Variants in SLC9C2 observed in about 807,000 individuals in gnomAD.
The protein encoded by SLC9C2 is sodium/hydrogen exchanger 11.
SLC9C2 carries 75 observed loss-of-function variants against 140.2 expected under a neutral mutation model. That is an observed-to-expected ratio of 0.53 (90% CI 0.44 to 0.65). The LOEUF (loss-of-function observed/expected upper bound fraction) is 0.65, where lower values mean the gene tolerates loss of function less well. Among genes scored for constraint, SLC9C2 ranks in the 30% least tolerant of loss-of-function variants. The probability of loss-of-function intolerance (pLI) is 0.00; values close to 1 mark genes in which losing one functional copy is unlikely to be tolerated. For missense variants in SLC9C2, 1,074 were observed against 1,331.8 expected, an observed-to-expected ratio of 0.81 and a Z score of 3.01; for synonymous variants, 375 against 420.9, an observed-to-expected ratio of 0.89 and a Z score of 1.34.
At position 173,521,338 on chromosome 1, in the gene SLC9C2, G is replaced by A. The variant is rs1660795756; in HGVS notation, c.2702C>T (p.Pro901Leu). The change falls in exon 22 of 28, where the codon CCA (proline) becomes CTA (leucine). Residue 901 changes from proline to leucine, a missense_variant. Physicochemically the swap from Pro to Leu is moderately conservative, Grantham distance 98. Coordinates refer to ENST00000367714, the MANE Select transcript of SLC9C2 (RefSeq NM_178527.4). ...TGAAATAATTAAGTAGATTCCTTGT[G>A]GCATTTCACCTCCTTTACAAATGGT... ...GDTICKGGEM[P>L]QGIYLIISGM... is the part of the protein sequence containing the mutation. 1.3e-6 allele frequency: 2 copies of A among 1,551,102 alleles called. No individual in the cohort carries two copies. Among genetic ancestry groups the A allele is most frequent in the East Asian group, 4.9e-5 (2 of 40,696 alleles).
rs1267292052 is a variant in SLC9C2, at chr1:173,534,792, TATAAA to T, written c.1776-115_1776-111del. 21 of 879,442 alleles carry T rather than the reference TATAAA, an allele frequency of 2.4e-5. 1 individual carries two copies. Among genetic ancestry groups the T allele is most frequent in the Non-Finnish European group, 2.8e-5 (18 of 644,250 alleles). The allele number at this position is 879,442 out of a possible 1,614,324, so 54.5% of individuals were successfully genotyped here. On this transcript the variant is annotated intron_variant, in intron 15 of 27. Coordinates refer to ENST00000367714, the MANE Select transcript of SLC9C2 (RefSeq NM_178527.4). The stretch of plus-strand genomic sequence containing the variant: ...AAATTAATTTGAAGACTATACATAA[TATAAA>T]ATAATAGTAAGCAAAAATCAAAAGC...
At chr1:173,508,167 TA>T (rs541864292) in intron 24 of SLC9C2, among the ~76,000 whole-genome samples, 19 of 150,540 alleles carry the variant, frequency 1.3e-4, no homozygotes, top group African/African-American at 4.9e-5. Flanking sequence ...CCAGAAAATC[TA>T]AAAAAAAATC....
chr1:173,507,931 A>G (rs1378167375), intron 24 of SLC9C2, among the ~76,000 whole-genome samples: 1 of 152,108 alleles, frequency 6.6e-6, no homozygotes, highest in Non-Finnish European at 1.5e-5. Context: ...AAACTAACCC[A>G]GGAATTTAGA....
intron 9 of SLC9C2, among the ~76,000 whole-genome samples, chr1:173,567,276 T>C (rs1192984447): frequency 1.3e-5 from 2 of 152,118 alleles, no homozygotes; most frequent in Non-Finnish European, 2.9e-5. Context: ...TGTTGAAGTC[T>C]GTTATTATTG....
intron 17 of SLC9C2, among the ~76,000 whole-genome samples, chr1:173,532,191 G>A (rs1454243569): frequency 6.6e-6 from 1 of 152,194 alleles, no homozygotes; most frequent in Non-Finnish European, 1.5e-5. Context: ...ATGTTGTGGA[G>A]AATGGGAAGT....
chr1:173,551,427 T>C (rs181564138), intron 11 of SLC9C2, among the ~76,000 whole-genome samples: 29 of 152,338 alleles, frequency 1.9e-4, no homozygotes, highest in Admixed American at 2.6e-4. Context: ...CTTTACCTTA[T>C]TGTGCTTTGC....
chr1:173,524,229 T>A (rs1449661866), intron 20 of SLC9C2, 135 bp from the exon 21 acceptor site: 1 of 818,784 alleles, frequency 1.2e-6, no homozygotes, highest in Admixed American at 3.3e-5. Flanking sequence ...GCTTGTCTCA[T>A]CCTATCTAAA....
intron 9 of SLC9C2, among the ~76,000 whole-genome samples, chr1:173,559,882 C>T (rs191130708): frequency 6.6e-6 from 1 of 152,308 alleles, no homozygotes; most frequent in African/African-American, 2.4e-5. Context: ...GCAGTCTCCT[C>T]ACCCTAATCT....
chr1:173,550,800 T>C (rs2102069505), intron 11 of SLC9C2, among the ~76,000 whole-genome samples: 1 of 149,706 alleles, frequency 6.7e-6, no homozygotes, highest in African/African-American at 2.5e-5. Context: ...GGTAAGCACC[T>C]GTAGTCCCAG....
In SLC9C2 at chr1:173,536,963, C is replaced by A; in HGVS notation, c.1634G>T (p.Cys545Phe). 6.2e-7 allele frequency: 1 copy of A among 1,613,498 alleles called. No homozygotes were observed. The highest frequency in any genetic ancestry group is 8.5e-7 in the Non-Finnish European group (1 of 1,179,632). The change falls in exon 14 of 28, where the codon TGC becomes TTC. Residue 545 changes from cysteine (C) to phenylalanine (F), a missense_variant. Coordinates refer to ENST00000367714, the MANE Select transcript of SLC9C2 (RefSeq NM_178527.4). ...TTACTTTCCTTGGATGGAGTAATAG[C>A]ATTTTGCTGCACCAATTAATATCCG... ...AARILIGAAK[C>F]YYSIQGKFMS...
At position 173,583,488 on chromosome 1, in the gene SLC9C2, G is replaced by A. The variant is rs753029141; in HGVS notation, c.640+18C>T. On this transcript the variant is annotated intron_variant, in intron 6 of 27. Transcript: ENST00000367714. ...TGAGAATGATTTTAGAAAATATACA[G>A]ACAAAAAATGCTCCTACCTCTAAAA... 5.2e-6 allele frequency: 7 copies of A among 1,355,076 alleles called. No homozygotes were observed. The highest frequency in any genetic ancestry group is 7.3e-6 in the Non-Finnish European group (7 of 961,252). The allele number at this position is 1,355,076 out of a possible 1,614,324, so 83.9% of individuals were successfully genotyped here.
intron 6 of SLC9C2, 134 bp from the exon 7 acceptor site, chr1:173,582,142 T>TA: frequency 1.7e-6 from 1 of 580,292 alleles, no homozygotes; most frequent in Non-Finnish European, 2.8e-6. Flanking sequence ...TGTCAGCAAA[T>TA]AGGAGTGTCT....
chr1:173,593,063 A>G (rs1666255805), intron 4 of SLC9C2, among the ~76,000 whole-genome samples: 1 of 152,240 alleles, frequency 6.6e-6, no homozygotes, highest in African/African-American at 2.4e-5. Flanking sequence ...CCACCTTACA[A>G]GAGATCTTGA....
intron 23 of SLC9C2, among the ~76,000 whole-genome samples, chr1:173,516,903 A>G (rs1448032664): frequency 1.3e-5 from 2 of 152,180 alleles, no homozygotes; most frequent in East Asian, 3.9e-4. Context: ...GTCTTCCACA[A>G]TGGTTGAATT....
intron 17 of SLC9C2, among the ~76,000 whole-genome samples, chr1:173,532,321 G>GA (rs1661638061): frequency 6.6e-6 from 1 of 152,006 alleles, no homozygotes; most frequent in African/African-American, 2.4e-5. Flanking sequence ...GATGTAATAA[G>GA]AATTAAACAA....
At position 173,573,195 on chromosome 1, in the gene SLC9C2, C is replaced by T. The variant is rs1431461347; in HGVS notation, c.1033G>A (p.Val345Met). 6.4e-7 allele frequency: 1 copy of T among 1,551,032 alleles called. No individual in the cohort carries two copies. The highest frequency in any genetic ancestry group is 8.8e-7 in the Non-Finnish European group (1 of 1,138,106). The part of the protein sequence containing the change: ...IPFIFILFTT[V>M]NLVRLLTILL... The stretch of plus-strand genomic sequence containing the variant: ...TATTATTCTTACCTTACCAAATTCA[C>T]TGTTGTAAATAAAATGAATATGAAA... Residue 345 changes from valine (V) to methionine (M), a missense_variant, in exon 9 of 28, where the codon GTG becomes ATG. By Grantham distance (21) the Val-to-Met change is conservative (BLOSUM62 1). Transcript: ENST00000367714.
At chr1:173,508,568 T>A (rs1431445034) in intron 24 of SLC9C2, among the ~76,000 whole-genome samples, 1 of 152,126 alleles carries the variant, frequency 6.6e-6, no homozygotes, top group East Asian at 1.9e-4. Flanking sequence ...CCCTTATCCC[T>A]CTGCTAAAAT....
chr1:173,588,109 G>A (rs949170875), intron 4 of SLC9C2, among the ~76,000 whole-genome samples: 26 of 152,218 alleles, frequency 1.7e-4, no homozygotes, highest in African/African-American at 6.0e-4. Context: ...TAAACAGAAT[G>A]CAAATTTCTC....
chr1:173,556,927 C>CAAAAAAA (rs79800435), intron 10 of SLC9C2, among the ~76,000 whole-genome samples: 1 of 70,802 alleles, frequency 1.4e-5, no homozygotes. Flanking sequence ...AATCTTGTCT[C>CAAAAAAA]AAAAAAAAAA....
Sources: allele counts gnomAD v4.1 joint callset (sites outside exome capture counted in the v4.1 genomes callset), GRCh38; gene constraint gnomAD v4.1.1; transcripts MANE v1.5; gene names NCBI Gene and HGNC (gene_info 2026-07-23, HGNC 2026-07-21).